The following SOX6 variants were observed in gnomAD, a reference collection of about 807,000 sequenced individuals.
SOX6 encodes transcription factor SOX-6.
Under a neutral mutation model 97.8 loss-of-function variants are expected in SOX6, and 11 were observed. The observed-to-expected ratio is 0.11, with a 90% CI of 0.07 to 0.19. SOX6 has a LOEUF of 0.19. Ranked by LOEUF, SOX6 falls within the 10% of genes least tolerant of loss-of-function variation. The pLI is 1.00. For missense variants in SOX6, 810 were observed against 1,039.5 expected (o/e 0.78, Z 3.04); for synonymous variants, 360 against 371.4 (o/e 0.97, Z 0.35).
chr11:16,342,981 T>C (rs1489330550), intron 1 of SOX6, among the ~76,000 whole-genome samples: 1 of 151,836 alleles, frequency 6.6e-6, no homozygotes, highest in Admixed American at 6.6e-5. Flanking sequence ...TGAGAAGAAA[T>C]GAATTAAATG....
chr11:16,246,662 G>A (rs780267947), intron 3 of SOX6, among the ~76,000 whole-genome samples: 3 of 151,700 alleles, frequency 2.0e-5, no homozygotes, highest in South Asian at 2.1e-4. Context: ...TCTTTCATTT[G>A]TTTCCAGCCA....
intron 3 of SOX6, among the ~76,000 whole-genome samples, chr11:16,236,591 T>A (rs1020267872): frequency 2.6e-5 from 4 of 152,078 alleles, no homozygotes; most frequent in Non-Finnish European, 4.4e-5. Flanking sequence ...CATAACTTTT[T>A]TAGCTAAAGT....
At chr11:16,388,064 T>C (rs756418081) in intron 1 of SOX6, among the ~76,000 whole-genome samples, 2 of 152,186 alleles carry the variant, frequency 1.3e-5, no homozygotes, top group Non-Finnish European at 2.9e-5. Context: ...AATATGATGT[T>C]AGTTGTAGGT....
intron 4 of SOX6, among the ~76,000 whole-genome samples, chr11:16,547,479 A>C (rs1847634878): frequency 1.3e-5 from 2 of 152,108 alleles, no homozygotes; most frequent in Non-Finnish European, 2.9e-5. Context: ...GAATGAAATC[A>C]TGTCATTTGT....
chr11:16,433,032 A>G (rs1393389915), intron 1 of SOX6, among the ~76,000 whole-genome samples: 1 of 151,998 alleles, frequency 6.6e-6, no homozygotes, highest in Non-Finnish European at 1.5e-5. Flanking sequence ...ATTCAAAATG[A>G]CATATCAAGG....
At chr11:16,006,227 C>T (rs1854550836) in intron 13 of SOX6, among the ~76,000 whole-genome samples, 1 of 152,056 alleles carries the variant, frequency 6.6e-6, no homozygotes, top group Admixed American at 6.6e-5. Flanking sequence ...AAGTGACTAA[C>T]AGATCTCCAA....
chr11:16,737,674 T>C (rs1848403182), intron 1 of SOX6, among the ~76,000 whole-genome samples: 1 of 152,142 alleles, frequency 6.6e-6, no homozygotes, highest in African/African-American at 2.4e-5. Context: ...ATAAATAGCT[T>C]TAAATGCAGG....
At chr11:16,412,787 T>C (rs956356033) in intron 1 of SOX6, among the ~76,000 whole-genome samples, 7 of 152,184 alleles carry the variant, frequency 4.6e-5, no homozygotes, top group Non-Finnish European at 1.0e-4. Flanking sequence ...AAGATGACTA[T>C]CAGAAGCTCA....
At chr11:16,466,560 T>G (rs1252537922) in intron 1 of SOX6, among the ~76,000 whole-genome samples, 1 of 151,894 alleles carries the variant, frequency 6.6e-6, no homozygotes, top group African/African-American at 2.4e-5. Context: ...GGAAGATTTT[T>G]GAAAACTATA....
At chr11:16,032,058 G>T (rs1205289846) in intron 12 of SOX6, among the ~76,000 whole-genome samples, 3 of 152,134 alleles carry the variant, frequency 2.0e-5, no homozygotes, top group Non-Finnish European at 4.4e-5. Context: ...GCAGAGAGAT[G>T]AAAATAAATT....
intron 9 of SOX6, among the ~76,000 whole-genome samples, chr11:16,076,370 A>C (rs1275739305): frequency 2.0e-5 from 3 of 151,888 alleles, no homozygotes; most frequent in Non-Finnish European, 4.4e-5. Context: ...AAAAGGTCTA[A>C]TATGCAGAAT....
chr11:16,430,446 G>A (rs1859252123), intron 1 of SOX6, among the ~76,000 whole-genome samples: 1 of 152,088 alleles, frequency 6.6e-6, no homozygotes, highest in Admixed American at 6.6e-5. Context: ...AAATTCATAT[G>A]TTGAAATCCT....
At chr11:16,374,272 C>CA (rs1240105929) in intron 1 of SOX6, among the ~76,000 whole-genome samples, 2 of 151,958 alleles carry the variant, frequency 1.3e-5, no homozygotes, top group East Asian at 3.9e-4. Context: ...AAACCTATTC[C>CA]AAATGTTTTC....
At chr11:16,376,938 GA>G (rs1185367418) in intron 1 of SOX6, among the ~76,000 whole-genome samples, 1 of 149,300 alleles carries the variant, frequency 6.7e-6, no homozygotes, top group Non-Finnish European at 1.5e-5. Flanking sequence ...GAAGGAAAAA[GA>G]AAATAAAAAA....
At chr11:16,486,087 T>C (rs1860428864) in intron 4 of SOX6, among the ~76,000 whole-genome samples, 1 of 150,614 alleles carries the variant, frequency 6.6e-6, no homozygotes, top group African/African-American at 2.4e-5. Flanking sequence ...AAGATCAAAA[T>C]ATAGACCACA....
chr11:16,480,647 C>CT (rs1170431626), upstream of SOX6, among the ~76,000 whole-genome samples: 15 of 55,204 alleles, frequency 2.7e-4, no homozygotes, highest in East Asian at 0.017. Flanking sequence ...TTTTAGTAAC[C>CT]CCCCCCCCAC....
At chr11:16,412,470 T>A (rs1452555685) in intron 1 of SOX6, among the ~76,000 whole-genome samples, 1 of 152,156 alleles carries the variant, frequency 6.6e-6, no homozygotes, top group African/African-American at 2.4e-5. Flanking sequence ...GTAGCTTTTT[T>A]TATTAAAAAA....
chr11:16,250,419 T>G (rs1374667818), intron 3 of SOX6, among the ~76,000 whole-genome samples: 1 of 152,070 alleles, frequency 6.6e-6, no homozygotes, highest in Non-Finnish European at 1.5e-5. Context: ...GCATGACATA[T>G]TAAAGAAAGA....
intron 6 of SOX6, among the ~76,000 whole-genome samples, chr11:16,179,954 C>T (rs1851304420): frequency 6.6e-6 from 1 of 151,744 alleles, no homozygotes; most frequent in Non-Finnish European, 1.5e-5. Flanking sequence ...TTTTAATGAG[C>T]TGAATTCTTT....
Sources: gnomAD v4.1 joint callset for allele counts (sites outside exome capture counted in the v4.1 genomes callset) on GRCh38, gnomAD v4.1.1 for gene constraint, MANE v1.5 for transcripts, NCBI Gene and HGNC (gene_info 2026-07-23, HGNC 2026-07-21) for gene names.